PTPRD: variants seen among roughly 807,000 people sequenced by gnomAD.
The protein encoded by PTPRD is protein tyrosine phosphatase receptor type D.
In PTPRD, 34 loss-of-function variants were observed where a neutral mutation model predicts 214.5. That is an observed-to-expected ratio of 0.16 (90% CI 0.12 to 0.21). The LOEUF is 0.21. PTPRD is among the 10% of genes least tolerant of loss of function. PTPRD has a pLI of 1.00. For missense variants in PTPRD, 2,545 were observed against 2,398.7 expected (o/e 1.06, Z -1.27); for synonymous variants, 1,128 against 845.7 (o/e 1.33, Z -5.79).
chr9:8,509,679 T>C (rs1167412171), intron 21 of PTPRD, among the ~76,000 whole-genome samples: 1 of 152,262 alleles, frequency 6.6e-6, no homozygotes, highest in Non-Finnish European at 1.5e-5. Context: ...TACTTTTTGC[T>C]TTTAATTTGT....
chr9:9,032,792 T>C (rs1171310570), intron 10 of PTPRD, among the ~76,000 whole-genome samples: 3 of 152,082 alleles, frequency 2.0e-5, no homozygotes, highest in Admixed American at 2.0e-4. Context: ...TTCCTGCAAA[T>C]AGAGCTTATA....
intron 9 of PTPRD, among the ~76,000 whole-genome samples, chr9:9,382,422 A>G (rs1476532832): frequency 6.6e-6 from 1 of 152,142 alleles, no homozygotes; most frequent in African/African-American, 2.4e-5. Flanking sequence ...TTTGCAAACC[A>G]TATATATGAT....
chr9:10,425,720 C>T (rs1353201583), intron 2 of PTPRD, among the ~76,000 whole-genome samples: 2 of 151,940 alleles, frequency 1.3e-5, no homozygotes, highest in South Asian at 2.1e-4. Context: ...AAATGAGCCA[C>T]ACTTCACGGC....
At chr9:9,523,575 A>C (rs2097046122) in intron 8 of PTPRD, among the ~76,000 whole-genome samples, 1 of 152,180 alleles carries the variant, frequency 6.6e-6, no homozygotes, top group African/African-American at 2.4e-5. Flanking sequence ...CCTTCCTCAC[A>C]GAAGTCTGGC....
At chr9:9,473,621 A>G (rs2094792931) in intron 8 of PTPRD, among the ~76,000 whole-genome samples, 1 of 152,026 alleles carries the variant, frequency 6.6e-6, no homozygotes, top group Non-Finnish European at 1.5e-5. Context: ...CCTTTCCTTC[A>G]CAACTTTGTC....
chr9:9,192,861 G>A (rs1461781199), intron 9 of PTPRD, among the ~76,000 whole-genome samples: 2 of 152,078 alleles, frequency 1.3e-5, no homozygotes, highest in Non-Finnish European at 2.9e-5. Context: ...GAGATAAGCT[G>A]CAGCGTATGT....
At chr9:8,969,169 A>G (rs1231919342) in intron 11 of PTPRD, among the ~76,000 whole-genome samples, 2 of 152,112 alleles carry the variant, frequency 1.3e-5, no homozygotes, top group Non-Finnish European at 2.9e-5. Flanking sequence ...AACAGAAACT[A>G]AAACACTGAC....
intron 11 of PTPRD, among the ~76,000 whole-genome samples, chr9:8,926,722 G>T (rs1371835478): frequency 1.3e-5 from 2 of 152,138 alleles, no homozygotes; most frequent in Non-Finnish European, 2.9e-5. Flanking sequence ...ATATTTTTAT[G>T]TATATAACTT....
At chr9:9,627,562 G>A (rs1303842334) in intron 7 of PTPRD, among the ~76,000 whole-genome samples, 2 of 152,076 alleles carry the variant, frequency 1.3e-5, no homozygotes, top group South Asian at 2.1e-4. Context: ...TGGAGGGTGA[G>A]GTAACGATAA....
rs1193915169 is a variant in PTPRD at position 8,557,760 on chromosome 9, A to C, written c.353-28981T>G. On this transcript the variant is annotated intron_variant, in intron 14 of 45. Transcript: ENST00000381196. The stretch of plus-strand genomic sequence containing the variant: ...TGTCTCTCAATAAAAAAAAAAAAAA[A>C]AAAAAAAGAAAAACAAAATACACAC... 9.1e-5 allele frequency among the ~76,000 whole-genome samples: 11 copies of C among 121,074 alleles called. 1 individual carries two copies. Among genetic ancestry groups the C allele is most frequent in the African/African-American group, 5.6e-4 (10 of 17,826 alleles). 79.4% of individuals were successfully genotyped at this position (121,074 alleles called of 152,430 possible).
chr9:8,341,900 A>G lies in PTPRD; in HGVS notation c.4740T>C (p.Asp1580=), dbSNP rs748259497. 2 of 1,613,268 alleles carry G rather than the reference A, an allele frequency of 1.2e-6. No individual in the cohort carries two copies. The change falls in exon 40 of 46, where the codon GAT becomes GAC. Residue 1580 remains aspartate (D), a synonymous_variant. Coordinates refer to ENST00000381196, the MANE Select transcript of PTPRD (RefSeq NM_002839.4). Reference sequence around the variant, plus strand: ...TCATTAAAGTTACATGGCCATAAATATCTACAGTTTTTTCATGCTTTATTC... The same window carrying G: ...TCATTAAAGTTACATGGCCATAAATGTCTACAGTTTTTTCATGCTTTATTC... ...LERIKHEKTV[D]IYGHVTLMRA...
intron 9 of PTPRD, among the ~76,000 whole-genome samples, chr9:9,252,138 A>G (rs1258779880): frequency 6.6e-6 from 1 of 151,902 alleles, no homozygotes; most frequent in Admixed American, 6.6e-5. Context: ...AAAATGTGCC[A>G]CCCCAAAATA....
At chr9:9,403,123 C>T (rs1052893670) in intron 8 of PTPRD, among the ~76,000 whole-genome samples, 7 of 150,948 alleles carry the variant, frequency 4.6e-5, no homozygotes, top group Non-Finnish European at 8.9e-5. Flanking sequence ...AACCCCATCT[C>T]TACTAAAAAT....
At chr9:9,927,921 A>G (rs1264856552) in intron 5 of PTPRD, among the ~76,000 whole-genome samples, 1 of 152,110 alleles carries the variant, frequency 6.6e-6, no homozygotes, top group African/African-American at 2.4e-5. Context: ...AAGCTAATTC[A>G]CTCAGATTTT....
At chr9:9,714,089 CAAAA>C (rs5896350) in intron 7 of PTPRD, among the ~76,000 whole-genome samples, 19 of 126,958 alleles carry the variant, frequency 1.5e-4, no homozygotes, top group Admixed American at 1.6e-4. Context: ...TTCACTTGCG[CAAAA>C]AAAAAAAAAA....
At chr9:9,850,810 C>A (rs1000479450) in intron 5 of PTPRD, among the ~76,000 whole-genome samples, 6 of 151,920 alleles carry the variant, frequency 3.9e-5, no homozygotes, top group Non-Finnish European at 7.4e-5. Flanking sequence ...ATCCTTTGAC[C>A]AACTCTGCTA....
At chr9:9,870,167 G>C (rs541978585) in intron 5 of PTPRD, among the ~76,000 whole-genome samples, 1 of 151,992 alleles carries the variant, frequency 6.6e-6, no homozygotes, top group African/African-American at 2.4e-5. Flanking sequence ...ATTGAAGATG[G>C]GTGGATGGGT....
chr9:8,708,400 G>A (rs2098254111), intron 12 of PTPRD, among the ~76,000 whole-genome samples: 1 of 152,012 alleles, frequency 6.6e-6, no homozygotes, highest in Non-Finnish European at 1.5e-5. Context: ...CAGGCCAGGT[G>A]CAGTGGCTCA....
chr9:9,827,029 C>T lies in PTPRD; in HGVS notation c.-367-60178G>A, dbSNP rs1043036749. Among the ~76,000 whole-genome samples the T allele has an allele frequency of 7.2e-5, 11 of 152,228 alleles. No individual in the cohort carries two copies. In the East Asian group the frequency reaches 2.1e-3, roughly 29 times the overall value. ...GGATACAAACAAATGGAAGAACATT[C>T]CATGCTCATGGATAAGAAGAATCAA... On this transcript the variant is annotated intron_variant, in intron 5 of 45. Transcript: ENST00000381196.
Sources: allele counts gnomAD v4.1 joint callset (sites outside exome capture counted in the v4.1 genomes callset), GRCh38; gene constraint gnomAD v4.1.1; transcripts MANE v1.5; gene names NCBI Gene and HGNC (gene_info 2026-07-23, HGNC 2026-07-21).